PPP2R2B: variants seen among roughly 807,000 people sequenced by gnomAD.
The protein encoded by PPP2R2B is protein phosphatase 2 regulatory subunit Bbeta.
In PPP2R2B, 5 loss-of-function variants were observed where a neutral mutation model predicts 46.0. The ratio of observed to expected loss-of-function variants is 0.11; its 90% CI spans 0.06 to 0.23. PPP2R2B has a LOEUF of 0.23. PPP2R2B is among the 10% of genes least tolerant of loss of function. The pLI is 1.00. For synonymous variants in PPP2R2B, 215 were observed against 206.7 expected, an observed-to-expected ratio of 1.04 and a Z score of -0.34; for missense variants, 367 against 575.0, an observed-to-expected ratio of 0.64 and a Z score of 3.70.
At chr5:146,982,553 G>A (rs1038494624) in intron 1 of PPP2R2B, among the ~76,000 whole-genome samples, 6 of 152,070 alleles carry the variant, frequency 3.9e-5, no homozygotes, top group Non-Finnish European at 7.4e-5. Context: ...AGATCCTGTC[G>A]GTTGATGGTA....
intron 2 of PPP2R2B, among the ~76,000 whole-genome samples, chr5:146,765,868 G>A (rs551520832): frequency 9.8e-5 from 15 of 152,294 alleles, no homozygotes; most frequent in Non-Finnish European, 1.6e-4. Context: ...ACACACGTAT[G>A]CCTTCACTGG....
At chr5:146,696,695 C>T (rs1326208510) in intron 4 of PPP2R2B, among the ~76,000 whole-genome samples, 1 of 152,142 alleles carries the variant, frequency 6.6e-6, no homozygotes, top group African/African-American at 2.4e-5. Flanking sequence ...AAGAATCAAA[C>T]TACTTGGAGT....
intron 2 of PPP2R2B, among the ~76,000 whole-genome samples, chr5:146,729,623 C>A (rs1394550120): frequency 6.6e-6 from 1 of 152,180 alleles, no homozygotes; most frequent in Non-Finnish European, 1.5e-5. Context: ...AGTTTAGGGA[C>A]TTGGTGCCCT....
At chr5:146,722,945 C>G (rs763847257) in intron 2 of PPP2R2B, among the ~76,000 whole-genome samples, 2 of 152,094 alleles carry the variant, frequency 1.3e-5, no homozygotes, top group Admixed American at 1.3e-4. Context: ...CCTCTTTGGG[C>G]CTTTGTATGT....
chr5:146,857,915 G>T (rs989000618), intron 2 of PPP2R2B, among the ~76,000 whole-genome samples: 98 of 152,108 alleles, frequency 6.4e-4, no homozygotes, highest in African/African-American at 2.2e-3. Context: ...TCGAACTCCC[G>T]ACCTCAGGTG....
chr5:146,662,839 A>G (rs1400305009), intron 5 of PPP2R2B, among the ~76,000 whole-genome samples: 2 of 152,192 alleles, frequency 1.3e-5, no homozygotes, highest in African/African-American at 2.4e-5. Context: ...GAAAATTAGT[A>G]AAAAGACAAA....
At chr5:146,941,272 G>A (rs2151829271) in intron 1 of PPP2R2B, among the ~76,000 whole-genome samples, 1 of 152,290 alleles carries the variant, frequency 6.6e-6, no homozygotes, top group Non-Finnish European at 1.5e-5. Context: ...TAACTGCTAT[G>A]TGGTTGACCT....
At chr5:146,791,928 C>T (rs1756227038) in intron 2 of PPP2R2B, among the ~76,000 whole-genome samples, 1 of 152,076 alleles carries the variant, frequency 6.6e-6, no homozygotes, top group South Asian at 2.1e-4. Context: ...CCTAATTGGC[C>T]TAATTCATCA....
chr5:146,866,621 GATAC>G (rs1203514839), intron 2 of PPP2R2B, among the ~76,000 whole-genome samples: 1 of 145,226 alleles, frequency 6.9e-6, no homozygotes, highest in Non-Finnish European at 1.5e-5. Flanking sequence ...CACACACGCA[GATAC>G]ATACATATAT....
At chr5:146,647,369 A>C (rs766188578) in intron 6 of PPP2R2B, among the ~76,000 whole-genome samples, 2 of 152,058 alleles carry the variant, frequency 1.3e-5, no homozygotes, top group African/African-American at 2.4e-5. Context: ...GGTGGCTGGT[A>C]TTTTTCTGAG....
In PPP2R2B at chr5:146,864,720, C is replaced by T. The variant is rs117613396; in HGVS notation, c.70+13282G>A. ...GCCTGCCTCTCCTCTCAGAAAGGGT[C>T]GAAGTACCTGGAGCTTTGCGGGGTA... On this transcript the variant is annotated intron_variant, in intron 2 of 9. Transcript: ENST00000394411. Among the ~76,000 whole-genome samples the T allele has an allele frequency of 1.1e-3, 172 of 152,248 alleles. 1 individual carries two copies. The East Asian group carries it at 0.019, about 17-fold the overall frequency.
intron 1 of PPP2R2B, among the ~76,000 whole-genome samples, chr5:147,051,582 G>C (rs1301152251): frequency 6.6e-6 from 1 of 152,022 alleles, no homozygotes; most frequent in East Asian, 1.9e-4. Context: ...AAAGGAAGAA[G>C]CACGTGGCAA....
rs1166748374 is a variant in PPP2R2B at position 146,614,281 on chromosome 5, G to A, written c.791-13821C>T. On this transcript the variant is annotated intron_variant, in intron 7 of 9. Transcript: ENST00000394411. ...TTCCCTATTTAATAAATGGTACTGG[G>A]AAAACTGGCTAGCCATATGTAGAAA... 4.6e-4 allele frequency among the ~76,000 whole-genome samples: 49 copies of A among 105,444 alleles called. 1 individual carries two copies. Among genetic ancestry groups the A allele is most frequent in the Admixed American group, 9.9e-4 (10 of 10,106 alleles). The allele number at this position is 105,444 out of a possible 152,430, so 69.2% of individuals were successfully genotyped here.
chr5:146,959,815 G>A (rs1023240000), intron 1 of PPP2R2B, among the ~76,000 whole-genome samples: 1 of 152,094 alleles, frequency 6.6e-6, no homozygotes, highest in Non-Finnish European at 1.5e-5. Context: ...TTGGCTGGGG[G>A]AACATACAGA....
intron 1 of PPP2R2B, among the ~76,000 whole-genome samples, chr5:146,942,197 T>C (rs561001683): frequency 1.3e-5 from 2 of 152,218 alleles, no homozygotes; most frequent in Non-Finnish European, 2.9e-5. Context: ...GACTTTAACA[T>C]ATTTTGGAGA....
chr5:146,834,745 T>C (rs1011791463), intron 2 of PPP2R2B, among the ~76,000 whole-genome samples: 1 of 152,164 alleles, frequency 6.6e-6, no homozygotes, highest in African/African-American at 2.4e-5. Context: ...TAGTACCCAC[T>C]ATGTAGCCTT....
chr5:146,938,690 G>C (rs1764229229), intron 1 of PPP2R2B, among the ~76,000 whole-genome samples: 1 of 148,460 alleles, frequency 6.7e-6, no homozygotes, highest in South Asian at 2.1e-4. Flanking sequence ...AAGCAATTTT[G>C]GTTGATCATT....
chr5:146,791,392 CTGTG>C (rs962082610), intron 2 of PPP2R2B, among the ~76,000 whole-genome samples: 6 of 151,936 alleles, frequency 3.9e-5, no homozygotes, highest in Non-Finnish European at 8.8e-5. Context: ...GCCCAATCTG[CTGTG>C]TGTATGTGTG....
At chr5:146,648,054 T>C (rs1247372557) in intron 6 of PPP2R2B, among the ~76,000 whole-genome samples, 1 of 152,214 alleles carries the variant, frequency 6.6e-6, no homozygotes, top group Non-Finnish European at 1.5e-5. Context: ...TAGCTAGCTG[T>C]GTACCAAAAC....
Sources: gnomAD v4.1 joint callset for allele counts (sites outside exome capture counted in the v4.1 genomes callset) on GRCh38, gnomAD v4.1.1 for gene constraint, MANE v1.5 for transcripts, NCBI Gene and HGNC (gene_info 2026-07-23, HGNC 2026-07-21) for gene names.